The following GKAP1 variants were observed in gnomAD, a reference collection of about 807,000 sequenced individuals.
GKAP1 encodes G kinase-anchoring protein 1.
In GKAP1, 31 loss-of-function variants were observed where a neutral mutation model predicts 56.7. That is an observed-to-expected ratio of 0.55 (90% CI 0.41 to 0.74). GKAP1 has a LOEUF of 0.74. Among genes scored for constraint, GKAP1 ranks in the 30% least tolerant of loss-of-function variants. The probability of loss-of-function intolerance (pLI) is 0.00; values close to 1 mark genes in which losing one functional copy is unlikely to be tolerated. For synonymous variants in GKAP1, 151 were observed against 138.6 expected, an observed-to-expected ratio of 1.09 and a Z score of -0.63; for missense variants, 364 against 402.3, an observed-to-expected ratio of 0.90 and a Z score of 0.82.
intron 4 of GKAP1, among the ~76,000 whole-genome samples, chr9:83,798,157 A>C (rs1944277208): frequency 6.6e-6 from 1 of 152,218 alleles, no homozygotes; most frequent in Admixed American, 6.5e-5. Flanking sequence ...AGTATAGTCT[A>C]TTTTAAAACT....
rs1186448894 is a variant in GKAP1 at position 83,741,362 on chromosome 9, A to ACACACC, written c.1053+589_1053+590insGGTGTG. 4.1e-4 allele frequency among the ~76,000 whole-genome samples: 15 copies of ACACACC among 36,412 alleles called. 1 individual carries two copies. The highest frequency in any genetic ancestry group is 7.8e-4 in the African/African-American group (15 of 19,282). The allele number at this position is 36,412 out of a possible 152,430, so 23.9% of individuals were successfully genotyped here. On this transcript the variant is annotated intron_variant, in intron 12 of 12. Transcript: ENST00000376371. Reference sequence around the variant, plus strand: ...ATACACACACATAAATATATCTCTCACACACACACACACACACACACACAC... The same window carrying ACACACC: ...ATACACACACATAAATATATCTCTCACACACCCACACACACACACACACACACACAC...
In GKAP1 at chr9:83,742,535, T is replaced by G. The variant is rs775706002; in HGVS notation, c.970A>C (p.Ile324Leu). The G allele has an allele frequency of 3.0e-5, 48 of 1,607,936 alleles. No homozygotes were observed. In the East Asian group the frequency reaches 7.1e-4, roughly 24 times the overall value. Residue 324 changes from isoleucine (I) to leucine (L), a missense_variant, in exon 11 of 13, where the codon ATT becomes CTT. Ile to Leu is a conservative substitution (Grantham distance 5). Transcript: ENST00000376371. Reference sequence around the variant, plus strand: ...TATGCTCCACAGTTCCTTACCTGAATAGTGAGCTCATTCTTGATACTTTGT... The same window carrying G: ...TATGCTCCACAGTTCCTTACCTGAAGAGTGAGCTCATTCTTGATACTTTGT... ...ESQSIKNELT[I>L]QVTSLHAALE...
intron 7 of GKAP1, among the ~76,000 whole-genome samples, chr9:83,770,350 C>T (rs1440517237): frequency 3.3e-5 from 5 of 152,142 alleles, no homozygotes; most frequent in Non-Finnish European, 7.3e-5. Context: ...AAGAAAGGGT[C>T]GAAATTCACT....
At chr9:83,776,376 T>C (rs1156512361) in intron 7 of GKAP1, among the ~76,000 whole-genome samples, 1 of 152,074 alleles carries the variant, frequency 6.6e-6, no homozygotes, top group Non-Finnish European at 1.5e-5. Flanking sequence ...TTTTAAAATT[T>C]AATAACCTAA....
chr9:83,745,780 A>C (rs1256969015), intron 10 of GKAP1, among the ~76,000 whole-genome samples: 4 of 152,006 alleles, frequency 2.6e-5, no homozygotes, highest in Non-Finnish European at 4.4e-5. Context: ...ATGTCCAAAT[A>C]ATATTTTTCC....
Position 83,782,494 on chromosome 9 carries a change from G to C in GKAP1, c.563-2090C>G, listed in dbSNP as rs141421895. Among the ~76,000 whole-genome samples, 923 of 151,526 alleles carry C rather than the reference G, an allele frequency of 6.1e-3. 11 individuals carry two copies. The highest frequency in any genetic ancestry group is 0.021 in the African/African-American group (876 of 41,282). ...CTGCCTCAGCCTCCTGAGTAGCTGG[G>C]ATTACAGGAATGCACCACTACGCCC... is the stretch of plus-strand genomic sequence containing the variant. On this transcript the variant is annotated intron_variant, in intron 6 of 12. Transcript: ENST00000376371.
intron 4 of GKAP1, among the ~76,000 whole-genome samples, chr9:83,790,571 T>C (rs891005962): frequency 2.6e-5 from 4 of 151,772 alleles, no homozygotes; most frequent in African/African-American, 9.7e-5. Flanking sequence ...TCACCTGAGG[T>C]CAGGAGTTTG....
In GKAP1 at chr9:83,780,369, C is replaced by T; in HGVS notation, c.585+13G>A. The T allele has an allele frequency of 8.2e-7, 1 of 1,213,436 alleles. No individual in the cohort carries two copies. The highest frequency in any genetic ancestry group is 1.1e-6 in the Non-Finnish European group (1 of 900,848). The allele number at this position is 1,213,436 out of a possible 1,614,324, so 75.2% of individuals were successfully genotyped here. A position where few individuals can be genotyped will look rare whatever the true frequency, so the allele number is the denominator to read the frequency against. On this transcript the variant is annotated intron_variant, in intron 7 of 12. Coordinates refer to ENST00000376371, the MANE Select transcript of GKAP1 (RefSeq NM_025211.4). ...ATCAGTGTTTTCTACAAGATGGCTA[C>T]AATAAGACTTACCTCAGTCTTTTTA...
At chr9:83,808,023 G>C (rs1034639067) in intron 2 of GKAP1, among the ~76,000 whole-genome samples, 4 of 152,192 alleles carry the variant, frequency 2.6e-5, no homozygotes, top group Non-Finnish European at 5.9e-5. Flanking sequence ...GATGTCTGAA[G>C]ATGCCATCTA....
intron 7 of GKAP1, 101 bp downstream of exon 7, chr9:83,780,281 C>T (rs538665011): frequency 5.6e-6 from 4 of 712,104 alleles, no homozygotes; most frequent in Non-Finnish European, 9.5e-6. Flanking sequence ...ATGGGTTGTC[C>T]TTTAAATGAT....
At chr9:83,756,040 G>T (rs1943469284) in intron 8 of GKAP1, among the ~76,000 whole-genome samples, 1 of 151,870 alleles carries the variant, frequency 6.6e-6, no homozygotes, top group African/African-American at 2.4e-5. Flanking sequence ...CCAGATCTCA[G>T]GCGATCCACC....
intron 5 of GKAP1, among the ~76,000 whole-genome samples, chr9:83,785,354 T>C (rs1944046595): frequency 6.6e-6 from 1 of 152,220 alleles, no homozygotes; most frequent in Admixed American, 6.5e-5. Context: ...ACCTATTTTT[T>C]TAATGCTTTA....
chr9:83,767,917 C>T (rs1943691191), intron 8 of GKAP1, among the ~76,000 whole-genome samples: 1 of 152,114 alleles, frequency 6.6e-6, no homozygotes, highest in Non-Finnish European at 1.5e-5. Context: ...GAACTCCTGG[C>T]CTCAAGTGAT....
At chr9:83,746,401 T>TA (rs1943294386) in intron 10 of GKAP1, among the ~76,000 whole-genome samples, 1 of 152,126 alleles carries the variant, frequency 6.6e-6, no homozygotes, top group Non-Finnish European at 1.5e-5. Context: ...CTATATGCTT[T>TA]AAATCATCTC....
Position 83,769,022 on chromosome 9 carries a change from T to A in GKAP1, c.586-52A>T, listed in dbSNP as rs953640399. The A allele has an allele frequency of 2.1e-6, 3 of 1,406,592 alleles. No homozygotes were observed. The African/African-American group carries it at 4.3e-5, about 20-fold the overall frequency. 87.1% of individuals were successfully genotyped at this position (1,406,592 alleles called of 1,614,324 possible). A position where few individuals can be genotyped will look rare whatever the true frequency, so the allele number is the denominator to read the frequency against. ...ATCATTCAACATGCACTGATATGCA[T>A]TTAATACACCTAGTCAACCACAAGA... On this transcript the variant is annotated intron_variant, in intron 7 of 12. Coordinates refer to ENST00000376371, the MANE Select transcript of GKAP1 (RefSeq NM_025211.4).
intron 3 of GKAP1, among the ~76,000 whole-genome samples, chr9:83,804,252 G>A (rs1185505830): frequency 2.7e-5 from 4 of 149,840 alleles, no homozygotes; most frequent in African/African-American, 9.8e-5. Flanking sequence ...GGGAGGTGGG[G>A]GGCTCAGCCC....
chr9:83,817,100 A>G lies in GKAP1; in HGVS notation c.-148T>C, dbSNP rs1944622268. ...AAAGAAATTGCGCTGGGCGAAACCT[A>G]ACTCGGGCAGAGAAGCGGCTTCAAA... On this transcript the variant is annotated 5_prime_UTR_variant, in exon 2 of 13. Transcript: ENST00000376371. The G allele has an allele frequency of 6.6e-6, 1 of 152,124 alleles. No individual in the cohort carries two copies. Among genetic ancestry groups the G allele is most frequent in the Admixed American group, 6.5e-5 (1 of 15,272 alleles). The allele number at this position is 152,124 out of a possible 1,614,324, so 9.4% of individuals were successfully genotyped here.
At chr9:83,788,988 G>C (rs1944111345) in intron 4 of GKAP1, 1 of 190,028 alleles carries the variant, frequency 5.3e-6, no homozygotes, top group South Asian at 1.9e-4. Context: ...GATGTCAAAG[G>C]CAACATTCAG....
intron 8 of GKAP1, among the ~76,000 whole-genome samples, chr9:83,767,363 ATT>A (rs940113643): frequency 1.4e-5 from 2 of 145,050 alleles, no homozygotes; most frequent in Admixed American, 6.9e-5. Context: ...TCTGTCACAT[ATT>A]TTTTTTTTTT....
Sources: allele counts gnomAD v4.1 joint callset (sites outside exome capture counted in the v4.1 genomes callset), GRCh38; gene constraint gnomAD v4.1.1; transcripts MANE v1.5; gene names NCBI Gene and HGNC (gene_info 2026-07-23, HGNC 2026-07-21).